ZDHHC18: variants seen among roughly 807,000 people sequenced by gnomAD.
ZDHHC18 encodes zDHHC palmitoyltransferase 18.
ZDHHC18 carries 23 observed loss-of-function variants against 37.5 expected under a neutral mutation model. The observed-to-expected ratio is 0.61, with a 90% CI of 0.44 to 0.87. The LOEUF is 0.87. Ranked by LOEUF, ZDHHC18 falls within the 40% of genes least tolerant of loss-of-function variation. The probability of loss-of-function intolerance (pLI) is 0.00; values close to 1 mark genes in which losing one functional copy is unlikely to be tolerated. For synonymous variants in ZDHHC18, 185 were observed against 218.7 expected (o/e 0.85, Z 1.36); for missense variants, 406 against 525.6 (o/e 0.77, Z 2.22).
chr1:26,853,664 C>T, intron 7 of ZDHHC18, 62 bp from the exon 8 acceptor site: 1 of 1,508,162 alleles, frequency 6.6e-7, no homozygotes, highest in South Asian at 1.1e-5. Flanking sequence ...TGCCGTCCAA[C>T]CCCTGGCCTA....
chr1:26,833,618 T>G (rs1017661991), intron 2 of ZDHHC18, among the ~76,000 whole-genome samples: 1 of 152,016 alleles, frequency 6.6e-6, no homozygotes. Flanking sequence ...CAGACTGCTG[T>G]GTGGGTTCCG....
intron 2 of ZDHHC18, among the ~76,000 whole-genome samples, chr1:26,836,756 G>C (rs2081613703): frequency 1.3e-5 from 2 of 149,300 alleles, no homozygotes; most frequent in Non-Finnish European, 3.0e-5. Context: ...TTTTAGTAGA[G>C]ACGGGGTTTC....
intron 3 of ZDHHC18, among the ~76,000 whole-genome samples, chr1:26,849,028 T>C (rs1286634118): frequency 6.6e-6 from 1 of 152,164 alleles, no homozygotes; most frequent in Non-Finnish European, 1.5e-5. Context: ...CTTTGAACCC[T>C]TCTCCCAGGC....
rs1345296711 is a variant in ZDHHC18, at chr1:26,853,758, A to T, written c.1082A>T (p.Asp361Val). 7 of 1,613,892 alleles carry T rather than the reference A, an allele frequency of 4.3e-6. No homozygotes were observed. The highest frequency in any genetic ancestry group is 5.9e-6 in the Non-Finnish European group (7 of 1,180,020). ...LIDRRGFVQS[D>V]TVLPSPIRSD... is the part of the protein sequence containing the mutation. ...GACCGGAGGGGATTTGTGCAGTCCG[A>T]CACCGTGTTGCCCTCACCCATCAGA... is the stretch of plus-strand genomic sequence containing the variant. The change falls in exon 8 of 8, where the codon GAC becomes GTC. Residue 361 changes from aspartate (D) to valine (V), a missense_variant. Asp to Val is a radical substitution (Grantham distance 152, BLOSUM62 -3). Transcript: ENST00000374142.
chr1:26,848,514 T>G, intron 2 of ZDHHC18, 94 bp from the exon 3 acceptor site: 1 of 1,515,990 alleles, frequency 6.6e-7, no homozygotes, highest in Non-Finnish European at 9.0e-7. Context: ...AGGCTTCTCC[T>G]GGACTGGCCA....
intron 2 of ZDHHC18, among the ~76,000 whole-genome samples, chr1:26,835,786 C>T (rs2124251547): frequency 6.6e-6 from 1 of 152,342 alleles, no homozygotes; most frequent in South Asian, 2.1e-4. Context: ...TGGGAGCTGT[C>T]TCTGAGGCAG....
At chr1:26,848,488 G>A in intron 2 of ZDHHC18, 120 bp from the exon 3 acceptor site, 2 of 1,328,656 alleles carry the variant, frequency 1.5e-6, no homozygotes, top group Non-Finnish European at 2.1e-6. Flanking sequence ...TTTGTTCCTG[G>A]GAACCTGTTA....
rs549858302 is a variant in ZDHHC18, at chr1:26,856,466, C to T, written c.*2623C>T. On this transcript the variant is annotated 3_prime_UTR_variant, in exon 8 of 8. Coordinates refer to ENST00000374142, the MANE Select transcript of ZDHHC18 (RefSeq NM_032283.3). This position sits in a 1 kb window ranked among gnomAD's most constrained non-coding sequence, Gnocchi z 5.2. ...TATAGGGCAAGGCTAAAAGCCCAGC[C>T]CCATTGTGGACTGAGGAAGTAGCTT... 129 of 262,736 alleles carry T rather than the reference C, an allele frequency of 4.9e-4. No homozygotes were observed. Among genetic ancestry groups the T allele is most frequent in the Non-Finnish European group, 8.3e-4 (100 of 120,822 alleles). The allele number at this position is 262,736 out of a possible 1,614,324, so 16.3% of individuals were successfully genotyped here. A position where few individuals can be genotyped will look rare whatever the true frequency, so the allele number is the denominator to read the frequency against.
At chr1:26,829,051 T>C (rs1309181644) in intron 1 of ZDHHC18, among the ~76,000 whole-genome samples, 1 of 152,194 alleles carries the variant, frequency 6.6e-6, no homozygotes, top group Non-Finnish European at 1.5e-5. Context: ...CAAGGACTTC[T>C]GGGTTTGGGG....
Position 26,852,822 on chromosome 1 carries a change from A to G in ZDHHC18, c.1006A>G (p.Ile336Val). ...SVNPYSHKSI[I>V]TNCCAVLCGP... ...CAACCCCTACAGCCATAAAAGTATT[A>G]TCACCAACTGCTGTGCTGTGCTCTG... The change falls in exon 7 of 8, where the codon ATC becomes GTC. Residue 336 changes from isoleucine (I) to valine (V), a missense_variant. By Grantham distance (29) the Ile-to-Val change is conservative. Transcript: ENST00000374142. The G allele has an allele frequency of 6.2e-7, 1 of 1,614,108 alleles. No homozygotes were observed. Among genetic ancestry groups the G allele is most frequent in the Non-Finnish European group, 8.5e-7 (1 of 1,179,980 alleles).
At position 26,850,401 on chromosome 1, in the gene ZDHHC18, C is replaced by T; in HGVS notation, c.747C>T (p.Ala249=). 4 of 1,614,254 alleles carry T rather than the reference C, an allele frequency of 2.5e-6. No homozygotes were observed. The highest frequency in any genetic ancestry group is 3.4e-6 in the Non-Finnish European group (4 of 1,180,048). Residue 249 remains alanine, a synonymous_variant, in exon 4 of 8, where the codon GCC becomes GCT. Transcript: ENST00000374142. The surrounding 1 kb of genome is among the most constrained non-coding windows in gnomAD (Gnocchi z 6.1). ...TTCTCTCCCTCTCATTCCTGACGGCCTTCATCTTCGCCTGTGTGGTCACCC... is the reference window on the plus strand; with the variant it reads ...TTCTCTCCCTCTCATTCCTGACGGCTTTCATCTTCGCCTGTGTGGTCACCC... ...AFILSLSFLT[A]FIFACVVTHL... is the part of the protein sequence containing the mutation.
In ZDHHC18 at chr1:26,856,132, G is replaced by T; in HGVS notation, c.*2289G>T. ...CTACCACCTCCAACCTGGGCACCAG[G>T]GCCCAGCCAGACAACTCATAACACT... is the stretch of plus-strand genomic sequence containing the variant. On this transcript the variant is annotated 3_prime_UTR_variant, in exon 8 of 8. Transcript: ENST00000374142. The surrounding 1 kb of genome is among the most constrained non-coding windows in gnomAD (Gnocchi z 5.2). 2.3e-6 allele frequency: 1 copy of T among 435,302 alleles called. No individual in the cohort carries two copies. The highest frequency in any genetic ancestry group is 1.6e-5 in the South Asian group (1 of 63,872). The allele number at this position is 435,302 out of a possible 1,614,324, so 27.0% of individuals were successfully genotyped here. A position where few individuals can be genotyped will look rare whatever the true frequency, so the allele number is the denominator to read the frequency against.
At chr1:26,832,723 A>G (rs2081593855) in intron 2 of ZDHHC18, 116 bp downstream of exon 2, 1 of 1,305,316 alleles carries the variant, frequency 7.7e-7, no homozygotes, top group African/African-American at 1.5e-5. Flanking sequence ...TGCAGTCGTG[A>G]GCAAGGCAGG....
chr1:26,844,555 A>G (rs1006802530), intron 2 of ZDHHC18, among the ~76,000 whole-genome samples: 1 of 152,126 alleles, frequency 6.6e-6, no homozygotes, highest in Admixed American at 6.6e-5. Flanking sequence ...TCTCATGCAC[A>G]TTGCTGTTGG....
At position 26,848,745 on chromosome 1, in the gene ZDHHC18, G is replaced by A. The variant is rs753027286; in HGVS notation, c.634G>A (p.Asp212Asn). The A allele has an allele frequency of 6.2e-6, 10 of 1,612,568 alleles. No individual in the cohort carries two copies. The highest frequency in any genetic ancestry group is 2.7e-5 in the African/African-American group (2 of 74,920). The change falls in exon 3 of 8, where the codon GAC (aspartate) becomes AAC (asparagine). Residue 212 changes from aspartate to asparagine, a missense_variant. By Grantham distance (23) the Asp-to-Asn change is conservative. Coordinates refer to ENST00000374142, the MANE Select transcript of ZDHHC18 (RefSeq NM_032283.3). Reference sequence around the variant, plus strand: ...CCGAACCTCACACTGCAGTGTCTGCGACAACTGTGTGGGTGAGTAGGAGGC... The same window carrying A: ...CCGAACCTCACACTGCAGTGTCTGCAACAACTGTGTGGGTGAGTAGGAGGC... ...PPRTSHCSVC[D>N]NCVERFDHHC...
In ZDHHC18 at chr1:26,853,824, T is replaced by C; in HGVS notation, c.1148T>C (p.Met383Thr). The change falls in exon 8 of 8, where the codon ATG becomes ACG. Residue 383 changes from methionine (M) to threonine (T), a missense_variant. Coordinates refer to ENST00000374142, the MANE Select transcript of ZDHHC18 (RefSeq NM_032283.3). ...TGCAGAGCCAAGCCTGATGCCAGCA[T>C]GGTAGGAGGCCACCCCTGACCACGG... ...PACRAKPDASMVGGHP is the reference protein window; with the variant it reads ...PACRAKPDASTVGGHP 1 of 1,613,820 alleles carries C rather than the reference T, an allele frequency of 6.2e-7. No homozygotes were observed. Among genetic ancestry groups the C allele is most frequent in the Non-Finnish European group, 8.5e-7 (1 of 1,180,008 alleles).
intron 2 of ZDHHC18, among the ~76,000 whole-genome samples, chr1:26,833,823 G>T (rs191314284): frequency 4.2e-4 from 64 of 152,220 alleles, no homozygotes; most frequent in Non-Finnish European, 5.3e-4. Context: ...GCCTGTAAAT[G>T]TCAGAGCCCT....
intron 1 of ZDHHC18, 36 bp downstream of exon 1, chr1:26,827,175 C>CA: frequency 7.5e-7 from 1 of 1,328,522 alleles, no homozygotes; most frequent in Non-Finnish European, 9.6e-7. Context: ...CTCCCAGCCC[C>CA]CTGCCGCGCA....
intron 6 of ZDHHC18, among the ~76,000 whole-genome samples, chr1:26,851,512 G>A (rs1453350646): frequency 6.6e-6 from 1 of 152,196 alleles, no homozygotes; most frequent in African/African-American, 2.4e-5. Flanking sequence ...ACCACAGCAC[G>A]CATGATGTTT....
Sources: allele counts gnomAD v4.1 joint callset (sites outside exome capture counted in the v4.1 genomes callset), GRCh38; gene constraint gnomAD v4.1.1; non-coding constraint Gnocchi (gnomAD v3.1); transcripts MANE v1.5; gene names NCBI Gene and HGNC (gene_info 2026-07-23, HGNC 2026-07-21).